The following ITPR2 variants were observed in gnomAD, a reference collection of about 807,000 sequenced individuals.
The protein encoded by ITPR2 is inositol 1,4,5-trisphosphate-gated calcium channel ITPR2.
Under a neutral mutation model 317.1 loss-of-function variants are expected in ITPR2, and 207 were observed. The observed-to-expected ratio is 0.65, with a 90% confidence interval of 0.58 to 0.73. The LOEUF is 0.73. Ranked by LOEUF, ITPR2 falls within the 30% of genes least tolerant of loss-of-function variation. The probability of loss-of-function intolerance (pLI) is 0.00; values close to 1 mark genes in which losing one functional copy is unlikely to be tolerated. For synonymous variants in ITPR2, 1,156 were observed against 1,149.1 expected, an observed-to-expected ratio of 1.01 and a Z score of -0.12; for missense variants, 2,613 against 3,284.0, an observed-to-expected ratio of 0.80 and a Z score of 4.99.
chr12:26,606,188 T>C (rs1946123913), intron 26 of ITPR2, among the ~76,000 whole-genome samples: 1 of 75,092 alleles, frequency 1.3e-5, no homozygotes, highest in Non-Finnish European at 2.8e-5. Flanking sequence ...TGAATGGGCC[T>C]AGAAAAAAAA....
At chr12:26,503,774 A>C (rs1943125950) in intron 37 of ITPR2, among the ~76,000 whole-genome samples, 1 of 152,258 alleles carries the variant, frequency 6.6e-6, no homozygotes, top group South Asian at 2.1e-4. Context: ...GCAAGTACTG[A>C]ATAAACAGCT....
At chr12:26,769,976 T>C (rs1379435490) in intron 2 of ITPR2, among the ~76,000 whole-genome samples, 1 of 152,210 alleles carries the variant, frequency 6.6e-6, no homozygotes, top group Non-Finnish European at 1.5e-5. Flanking sequence ...TGGGAATAAC[T>C]TCCTAAAGAA....
At chr12:26,646,645 CG>C (rs1413652005) in intron 21 of ITPR2, among the ~76,000 whole-genome samples, 1 of 152,084 alleles carries the variant, frequency 6.6e-6, no homozygotes, top group Admixed American at 6.5e-5. Flanking sequence ...GTAAGTCACT[CG>C]GGACAGCAGA....
At chr12:26,500,926 C>T (rs1943057660) in intron 37 of ITPR2, among the ~76,000 whole-genome samples, 1 of 152,144 alleles carries the variant, frequency 6.6e-6, no homozygotes, top group Non-Finnish European at 1.5e-5. Context: ...GGTATAGCTA[C>T]CCACATTCAT....
chr12:26,569,999 T>C (rs929160975), intron 34 of ITPR2, among the ~76,000 whole-genome samples: 10 of 152,212 alleles, frequency 6.6e-5, no homozygotes, highest in Admixed American at 2.6e-4. Context: ...TCTATTTTAA[T>C]AGTCATGAAA....
intron 9 of ITPR2, among the ~76,000 whole-genome samples, chr12:26,705,212 TGCTTCCTG>T (rs1185186103): frequency 1.3e-5 from 2 of 152,196 alleles, no homozygotes; most frequent in Non-Finnish European, 2.9e-5. Flanking sequence ...CACCCACTTC[TGCTTCCTG>T]GCTTCCTGGT....
intron 32 of ITPR2, among the ~76,000 whole-genome samples, chr12:26,593,094 C>G (rs1945748945): frequency 6.6e-6 from 1 of 152,188 alleles, no homozygotes; most frequent in Non-Finnish European, 1.5e-5. Flanking sequence ...GAGGCACAGT[C>G]TGGACTCGAA....
chr12:26,673,148 T>A (rs1947826345), intron 13 of ITPR2, among the ~76,000 whole-genome samples: 1 of 152,226 alleles, frequency 6.6e-6, no homozygotes. Flanking sequence ...CTTCTGAAAC[T>A]ATTCCAATCA....
At chr12:26,817,180 C>CAA (rs11422176) in intron 1 of ITPR2, among the ~76,000 whole-genome samples, 1,831 of 56,520 alleles carry the variant, frequency 0.032, 168 homozygotes, top group African/African-American at 0.072. Context: ...GAGTCTCTTT[C>CAA]AAAAAAAAAA....
At chr12:26,482,445 C>G (rs927834884) in intron 42 of ITPR2, among the ~76,000 whole-genome samples, 1 of 152,164 alleles carries the variant, frequency 6.6e-6, no homozygotes, top group African/African-American at 2.4e-5. Flanking sequence ...TTCTTACAAG[C>G]TTTCCTGGAA....
intron 21 of ITPR2, among the ~76,000 whole-genome samples, chr12:26,638,513 T>A (rs909853352): frequency 1.8e-4 from 28 of 152,192 alleles, no homozygotes; most frequent in African/African-American, 6.3e-4. Context: ...ACGATGCTCT[T>A]GATTTCTCAC....
intron 37 of ITPR2, among the ~76,000 whole-genome samples, chr12:26,508,965 C>G (rs1208352773): frequency 6.6e-6 from 1 of 152,168 alleles, no homozygotes. Context: ...TGGCATGATC[C>G]ATAATAGTAG....
intron 48 of ITPR2, among the ~76,000 whole-genome samples, chr12:26,435,349 T>C (rs1017407650): frequency 1.3e-5 from 2 of 152,228 alleles, no homozygotes; most frequent in African/African-American, 4.8e-5. Flanking sequence ...TCAGGTACTA[T>C]TCTAAATGCT....
At chr12:26,716,875 T>A (rs912360003) in intron 5 of ITPR2, among the ~76,000 whole-genome samples, 1 of 152,202 alleles carries the variant, frequency 6.6e-6, no homozygotes, top group African/African-American at 2.4e-5. Context: ...TGTTCATTTT[T>A]AAATAAAAAC....
rs34107444 is a variant in ITPR2, at chr12:26,666,162, A to ATAGATAGATAGATAGATAGATTT, written c.1410-112_1410-111insAAATCTATCTATCTATCTATCTA. ...GATAGATAGATAGATAGATAGATAG[A>ATAGATAGATAGATAGATAGATTT]TTTTTTTTTACTTTTTCTTCAGGAG... On this transcript the variant is annotated intron_variant, in intron 13 of 56. Transcript: ENST00000381340. 5 of 400,594 alleles carry ATAGATAGATAGATAGATAGATTT rather than the reference A, an allele frequency of 1.2e-5. No individual in the cohort carries two copies. In the South Asian group the frequency reaches 4.7e-4, roughly 38 times the overall value. The allele number at this position is 400,594 out of a possible 1,614,324, so 24.8% of individuals were successfully genotyped here. A position where few individuals can be genotyped will look rare whatever the true frequency, so the allele number is the denominator to read the frequency against.
chr12:26,454,081 T>A (rs1012625917), intron 45 of ITPR2, among the ~76,000 whole-genome samples: 2 of 152,174 alleles, frequency 1.3e-5, no homozygotes, highest in African/African-American at 2.4e-5. Context: ...TATTTTTTGC[T>A]TATTTATTAG....
At chr12:26,605,578 T>A (rs1946113172) in intron 26 of ITPR2, among the ~76,000 whole-genome samples, 1 of 152,208 alleles carries the variant, frequency 6.6e-6, no homozygotes, top group African/African-American at 2.4e-5. Flanking sequence ...TTGGTCGATA[T>A]CTTTAAGCCT....
chr12:26,460,335 C>T (rs139407983), intron 45 of ITPR2, among the ~76,000 whole-genome samples: 185 of 152,312 alleles, frequency 1.2e-3, no homozygotes, highest in African/African-American at 4.1e-3. Context: ...AAGAAGTGCA[C>T]GCCCATGGAG....
intron 48 of ITPR2, among the ~76,000 whole-genome samples, chr12:26,433,590 G>C (rs1015474555): frequency 6.6e-6 from 1 of 151,976 alleles, no homozygotes; most frequent in Non-Finnish European, 1.5e-5. Context: ...ATGGAGTGCC[G>C]CACTGTTAAA....
Sources: allele counts gnomAD v4.1 joint callset (sites outside exome capture counted in the v4.1 genomes callset), GRCh38; gene constraint gnomAD v4.1.1; transcripts MANE v1.5; gene names NCBI Gene and HGNC (gene_info 2026-07-23, HGNC 2026-07-21).